MGST1: variants seen among roughly 807,000 people sequenced by gnomAD.
MGST1 encodes the protein microsomal glutathione S-transferase 1.
A neutral mutation model predicts 8.9 loss-of-function variants in MGST1; 5 were observed. The observed-to-expected ratio is 0.56, with a 90% CI of 0.29 to 1.19. The LOEUF is 1.19. Ranked by LOEUF, MGST1 falls within the 50% of genes most tolerant of loss-of-function variation. The pLI, the probability that MGST1 is intolerant of heterozygous loss-of-function variation, is 0.08. For missense variants in MGST1, 182 were observed against 187.4 expected, an observed-to-expected ratio of 0.97 and a Z score of 0.17; for synonymous variants, 54 against 67.8, an observed-to-expected ratio of 0.80 and a Z score of 1.00.
intron 3 of MGST1, chr12:16,376,033 A>T (rs996149947): frequency 1.1e-6 from 1 of 889,058 alleles, no homozygotes; most frequent in African/African-American, 1.7e-5. Context: ...CAGATTTTAT[A>T]CATATATATA....
intron 4 of MGST1, among the ~76,000 whole-genome samples, chr12:16,530,839 A>ATATC (rs1327708900): frequency 6.6e-6 from 1 of 152,102 alleles, no homozygotes; most frequent in African/African-American, 2.4e-5. Flanking sequence ...CACTGGGCAT[A>ATATC]TATCACATGC....
chr12:16,401,672 A>G lies in MGST1; in HGVS notation n.778+18068A>G. On this transcript the variant is annotated intron_variant and non_coding_transcript_variant, in intron 1 of 1. Transcript: ENST00000359720. The surrounding 1 kb of genome is among the most constrained non-coding windows in gnomAD (Gnocchi z 4.3). ...CACTGAACTTGAGATTATAGTTGCC[A>G]CCACTCTGAATGATAGGAGGGTAAC... The G allele has an allele frequency of 6.2e-7, 1 of 1,602,828 alleles. No individual in the cohort carries two copies. The highest frequency in any genetic ancestry group is 8.5e-7 in the Non-Finnish European group (1 of 1,169,706).
At chr12:16,508,822 C>A (rs983845070) in intron 4 of MGST1, among the ~76,000 whole-genome samples, 5 of 152,130 alleles carry the variant, frequency 3.3e-5, no homozygotes, top group Non-Finnish European at 7.4e-5. Context: ...TAAGCAGTTG[C>A]TTGCCTGTGT....
At chr12:16,462,791 A>G (rs549400259) in intron 4 of MGST1, among the ~76,000 whole-genome samples, 1 of 152,276 alleles carries the variant, frequency 6.6e-6, no homozygotes, top group South Asian at 2.1e-4. Flanking sequence ...TCCCAAGATC[A>G]CGTGGTAGCT....
At chr12:16,520,457 A>G (rs975659548) in intron 4 of MGST1, among the ~76,000 whole-genome samples, 3 of 152,064 alleles carry the variant, frequency 2.0e-5, no homozygotes, top group Non-Finnish European at 2.9e-5. Context: ...ACTCAGGGCA[A>G]TTTTCAAGAA....
intron 4 of MGST1, among the ~76,000 whole-genome samples, chr12:16,566,802 C>G (rs1210974555): frequency 6.6e-6 from 1 of 152,138 alleles, no homozygotes; most frequent in African/African-American, 2.4e-5. Flanking sequence ...TATTCATTCT[C>G]TCTCCAAACA....
intron 1 of MGST1, among the ~76,000 whole-genome samples, chr12:16,434,847 A>G (rs926602335): frequency 6.6e-6 from 1 of 151,954 alleles, no homozygotes; most frequent in African/African-American, 2.4e-5. Context: ...ATTTTCTCAT[A>G]AGCCAAGATC....
chr12:16,394,037 C>T (rs1940576888), intron 1 of MGST1, among the ~76,000 whole-genome samples: 1 of 152,140 alleles, frequency 6.6e-6, no homozygotes, highest in Non-Finnish European at 1.5e-5. Flanking sequence ...ACTATATGGC[C>T]TAACTACTGG....
rs1941474980 is a variant in MGST1 at position 16,497,009 on chromosome 12, G to A, written n.483-92519G>A. 6.6e-6 allele frequency among the ~76,000 whole-genome samples: 1 copy of A among 152,108 alleles called. No homozygotes were observed. The highest frequency in any genetic ancestry group is 1.5e-5 in the Non-Finnish European group (1 of 67,998). On this transcript the variant is annotated intron_variant and non_coding_transcript_variant, in intron 4 of 4. Coordinates refer to the MGST1 transcript ENST00000538857. The surrounding 1 kb of genome is among the most constrained non-coding windows in gnomAD (Gnocchi z 4.4). ...CTATTAATTGGCACTGCTAAAAGAG[G>A]AAGAAGTTATGGATTATAGAAAGGG...
chr12:16,414,917 G>A (rs1000347886), intron 1 of MGST1, among the ~76,000 whole-genome samples: 2 of 152,032 alleles, frequency 1.3e-5, no homozygotes, highest in East Asian at 2.0e-4. Flanking sequence ...CCAGCTACTC[G>A]GGAGGCTGAG....
At chr12:16,347,166 A>G (rs1939243131), upstream of MGST1, 1 of 152,222 alleles carries the variant, frequency 6.6e-6, no homozygotes, top group Non-Finnish European at 1.5e-5. The surrounding 1 kb of genome is among the most constrained non-coding windows in gnomAD (Gnocchi z 4.0). Flanking sequence ...ATTGTCTGGT[A>G]TCATGAATTT....
chr12:16,430,424 A>G (rs1940927444), intron 1 of MGST1, among the ~76,000 whole-genome samples: 2 of 152,206 alleles, frequency 1.3e-5, no homozygotes, highest in Non-Finnish European at 2.9e-5. Context: ...ATCACTAACT[A>G]TTGCAGCCAT....
intron 1 of MGST1, among the ~76,000 whole-genome samples, chr12:16,397,547 C>T (rs972370895): frequency 4.0e-5 from 6 of 151,852 alleles, no homozygotes; most frequent in Admixed American, 3.9e-4. Context: ...AACTAATATC[C>T]AGAGACTACA....
chr12:16,410,381 C>G lies in MGST1; in HGVS notation n.778+26777C>G, dbSNP rs1940732180. On this transcript the variant is annotated intron_variant and non_coding_transcript_variant, in intron 1 of 1. Transcript: ENST00000359720. This position sits in a 1 kb window ranked among gnomAD's most constrained non-coding sequence, Gnocchi z 4.4. ...TCTTCCTGTTTCTTCTTCCATCTCTCCAGTTCAAGTTCCCACCAGTTCTCA... is the reference window on the plus strand; with the variant it reads ...TCTTCCTGTTTCTTCTTCCATCTCTGCAGTTCAAGTTCCCACCAGTTCTCA... 6.6e-6 allele frequency among the ~76,000 whole-genome samples: 1 copy of G among 152,028 alleles called. No individual in the cohort carries two copies. Among genetic ancestry groups the G allele is most frequent in the South Asian group, 2.1e-4 (1 of 4,832 alleles).
chr12:16,442,265 G>A (rs956411602), downstream of MGST1, among the ~76,000 whole-genome samples: 74 of 151,634 alleles, frequency 4.9e-4, no homozygotes, highest in African/African-American at 1.8e-3. The surrounding 1 kb of genome is among the most constrained non-coding windows in gnomAD (Gnocchi z 4.5). Context: ...AGTGTGGCTT[G>A]TCTTTTCATT....
intron 1 of MGST1, among the ~76,000 whole-genome samples, chr12:16,427,874 A>G (rs559689010): frequency 1.3e-3 from 205 of 152,008 alleles, no homozygotes; most frequent in African/African-American, 4.3e-3. Flanking sequence ...GCTATTTTCT[A>G]TGACTCACCT....
At chr12:16,464,306 G>A (rs1016489032) in intron 4 of MGST1, among the ~76,000 whole-genome samples, 1 of 152,098 alleles carries the variant, frequency 6.6e-6, no homozygotes, top group Non-Finnish European at 1.5e-5. Context: ...AAACTTCCAA[G>A]CTTCATCTTT....
chr12:16,387,938 G>C (rs1485069190), intron 1 of MGST1, among the ~76,000 whole-genome samples: 1 of 151,646 alleles, frequency 6.6e-6, no homozygotes, highest in Non-Finnish European at 1.5e-5. Flanking sequence ...TAGATTTGTA[G>C]CCTAAGAGCA....
intron 1 of MGST1, among the ~76,000 whole-genome samples, chr12:16,391,495 C>G (rs1267388381): frequency 6.6e-6 from 1 of 152,062 alleles, no homozygotes; most frequent in Non-Finnish European, 1.5e-5. Flanking sequence ...AGGACTTGAA[C>G]TCATTTTTTA....
Sources: gnomAD v4.1 joint callset for allele counts (sites outside exome capture counted in the v4.1 genomes callset) on GRCh38, gnomAD v4.1.1 for gene constraint, Gnocchi (gnomAD v3.1) non-coding constraint, MANE v1.5 for transcripts, NCBI Gene and HGNC (gene_info 2026-07-23, HGNC 2026-07-21) for gene names.